NEGR1: variants seen among roughly 807,000 people sequenced by gnomAD.
NEGR1 encodes the protein IgLON family member 4.
In NEGR1, 10 loss-of-function variants were observed where a neutral mutation model predicts 40.9. That is an observed-to-expected ratio of 0.24 (90% CI 0.15 to 0.42). NEGR1 has a LOEUF of 0.42. Among genes scored for constraint, NEGR1 ranks in the 10% least tolerant of loss-of-function variants. The pLI is 1.00. For synonymous variants in NEGR1, 185 were observed against 166.8 expected (o/e 1.11, Z -0.84); for missense variants, 352 against 438.9 (o/e 0.80, Z 1.77).
At chr1:71,811,724 C>A (rs1658007959) in intron 2 of NEGR1, among the ~76,000 whole-genome samples, 1 of 150,856 alleles carries the variant, frequency 6.6e-6, no homozygotes, top group African/African-American at 2.4e-5. Context: ...TTCTTCTCAG[C>A]CTTTTGAAAA....
chr1:72,087,302 G>A (rs1294074778), intron 1 of NEGR1, among the ~76,000 whole-genome samples: 3 of 151,842 alleles, frequency 2.0e-5, no homozygotes, highest in Non-Finnish European at 2.9e-5. Context: ...AAGGTGGCGC[G>A]GATCTGTAAT....
At chr1:72,258,180 T>C (rs2000228) in intron 1 of NEGR1, among the ~76,000 whole-genome samples, 34,579 of 152,100 alleles carry the variant, frequency 0.23, 4,876 homozygotes, top group Non-Finnish European at 0.31. Context: ...CATTTGACAA[T>C]ACCTAGATTT....
At chr1:71,447,130 C>T (rs2101322218) in intron 6 of NEGR1, among the ~76,000 whole-genome samples, 1 of 152,336 alleles carries the variant, frequency 6.6e-6, no homozygotes, top group East Asian at 1.9e-4. Flanking sequence ...CTGAACTCTG[C>T]CTCCTGTCAG....
At chr1:71,735,630 C>T (rs1655020001) in intron 3 of NEGR1, among the ~76,000 whole-genome samples, 1 of 151,858 alleles carries the variant, frequency 6.6e-6, no homozygotes, top group African/African-American at 2.4e-5. Context: ...AATGAATACA[C>T]ATAAACACAC....
intron 6 of NEGR1, among the ~76,000 whole-genome samples, chr1:71,467,471 G>A (rs1281700911): frequency 6.6e-6 from 1 of 151,994 alleles, no homozygotes; most frequent in Non-Finnish European, 1.5e-5. Context: ...ATTTTTCAGT[G>A]TCATACTTTT....
chr1:71,811,702 T>C (rs892854805), intron 2 of NEGR1, among the ~76,000 whole-genome samples: 5 of 151,006 alleles, frequency 3.3e-5, no homozygotes, highest in Non-Finnish European at 5.9e-5. Context: ...AAGTTTTCAA[T>C]TTGTTTATTA....
At chr1:72,189,911 A>T (rs1319612972) in intron 1 of NEGR1, among the ~76,000 whole-genome samples, 1 of 151,586 alleles carries the variant, frequency 6.6e-6, no homozygotes, top group Non-Finnish European at 1.5e-5. Flanking sequence ...CTGGACCTTG[A>T]TCATTAGTGT....
intron 2 of NEGR1, among the ~76,000 whole-genome samples, chr1:71,926,656 T>TG: frequency 6.6e-6 from 1 of 151,654 alleles, no homozygotes; most frequent in East Asian, 1.9e-4. Flanking sequence ...TATGATTTTT[T>TG]TTTTTGGCTC....
chr1:71,919,907 A>G (rs7520086), intron 2 of NEGR1, among the ~76,000 whole-genome samples: 19,763 of 152,214 alleles, frequency 0.13, 1,676 homozygotes, highest in East Asian at 0.43. Flanking sequence ...CTTTCCATGC[A>G]ATGACACTCA....
chr1:71,817,825 G>A (rs989777617), intron 2 of NEGR1, among the ~76,000 whole-genome samples: 1 of 152,020 alleles, frequency 6.6e-6, no homozygotes. Context: ...CACTGCTGGT[G>A]TTCTACAGTC....
chr1:71,567,447 AT>A (rs1648654869), intron 6 of NEGR1, among the ~76,000 whole-genome samples: 1 of 152,116 alleles, frequency 6.6e-6, no homozygotes, highest in Non-Finnish European at 1.5e-5. Flanking sequence ...CTATACTTTA[AT>A]TTAATAGCCT....
intron 2 of NEGR1, among the ~76,000 whole-genome samples, chr1:71,928,027 T>TAAATAC (rs1553122056): frequency 3.2e-4 from 25 of 77,458 alleles, no homozygotes; most frequent in East Asian, 2.2e-3. Flanking sequence ...AATAAATAAA[T>TAAATAC]ACACACACAC....
chr1:71,400,292 A>G lies in NEGR1; in HGVS notation c.*7154T>C, dbSNP rs1462353087. 6.6e-6 allele frequency: 1 copy of G among 152,028 alleles called. No individual in the cohort carries two copies. Among genetic ancestry groups the G allele is most frequent in the Non-Finnish European group, 1.5e-5 (1 of 68,000 alleles). The allele number at this position is 152,028 out of a possible 1,614,324, so 9.4% of individuals were successfully genotyped here. A position where few individuals can be genotyped will look rare whatever the true frequency, so the allele number is the denominator to read the frequency against. ...CATTAGCACTAAGTAGGAGCAGAAC[A>G]CTCAGTTCTGGCTATAGCTTCTTGC... On this transcript the variant is annotated 3_prime_UTR_variant, in exon 7 of 7. Transcript: ENST00000357731.
chr1:71,618,208 C>G (rs980142656), intron 4 of NEGR1, among the ~76,000 whole-genome samples: 1 of 152,154 alleles, frequency 6.6e-6, no homozygotes, highest in African/African-American at 2.4e-5. Context: ...AGACTTTGAG[C>G]ATTACTTCCT....
chr1:71,912,740 C>A lies in NEGR1; in HGVS notation c.409+22339G>T, dbSNP rs1436132978. Among the ~76,000 whole-genome samples the A allele has an allele frequency of 4.6e-5, 7 of 151,938 alleles. No individual in the cohort carries two copies. The East Asian group carries it at 1.3e-3, about 29-fold the overall frequency. On this transcript the variant is annotated intron_variant, in intron 2 of 6. Transcript: ENST00000357731. ...AATAATGTAGTCTACCATATTGTCT[C>A]AAATATATTTGTTAATAAATGGACT...
intron 1 of NEGR1, among the ~76,000 whole-genome samples, chr1:72,072,748 T>G (rs1647524365): frequency 1.3e-5 from 2 of 151,954 alleles, no homozygotes; most frequent in African/African-American, 4.8e-5. Context: ...GCACTCCCTG[T>G]CCTTCGGTTT....
At chr1:71,788,996 G>A (rs1024136220) in intron 2 of NEGR1, among the ~76,000 whole-genome samples, 1 of 152,020 alleles carries the variant, frequency 6.6e-6, no homozygotes, top group Non-Finnish European at 1.5e-5. Flanking sequence ...CATAAAATAT[G>A]TATACCTTAA....
chr1:72,065,111 C>T (rs79943649), intron 1 of NEGR1, among the ~76,000 whole-genome samples: 2,120 of 152,038 alleles, frequency 0.014, 48 homozygotes, highest in African/African-American at 0.048. Context: ...CATACACATA[C>T]ATAGTAAAAG....
chr1:71,996,787 G>C (rs754492295), intron 1 of NEGR1, among the ~76,000 whole-genome samples: 1 of 151,986 alleles, frequency 6.6e-6, no homozygotes, highest in Non-Finnish European at 1.5e-5. Context: ...TTTCTTTGTC[G>C]TACACACCTT....
Sources: gnomAD v4.1 joint callset for allele counts (sites outside exome capture counted in the v4.1 genomes callset) on GRCh38, gnomAD v4.1.1 for gene constraint, MANE v1.5 for transcripts, NCBI Gene and HGNC (gene_info 2026-07-23, HGNC 2026-07-21) for gene names.